Variants in OR51B6 observed in about 807,000 individuals in gnomAD.
OR51B6 encodes the protein olfactory receptor 51B6.
For synonymous variants in OR51B6, 154 were observed against 137.3 expected (o/e 1.12, Z -0.85); for missense variants, 502 against 382.2 (o/e 1.31, Z -2.61).
Position 5,352,196 on chromosome 11 carries a change from G to C in OR51B6, c.689G>C (p.Gly230Ala). 6.2e-7 allele frequency: 1 copy of C among 1,614,168 alleles called. No homozygotes were observed. Among genetic ancestry groups the C allele is most frequent in the Non-Finnish European group, 8.5e-7 (1 of 1,180,004 alleles). Residue 230 changes from glycine to alanine, a missense_variant, in exon 1 of 1, where the codon GGA becomes GCA. Transcript: ENST00000380219. ...LKTVMGIGSGGERAKALNTCV... is the reference protein window; with the variant it reads ...LKTVMGIGSGAERAKALNTCV... ...ACTGTCATGGGCATTGGTTCTGGAG[G>C]AGAAAGGGCCAAGGCCCTCAACACA...
Position 5,351,959 on chromosome 11 carries a change from G to A in OR51B6, c.452G>A (p.Gly151Asp). The change falls in exon 1 of 1, where the codon GGT (glycine) becomes GAT (aspartate). Residue 151 changes from glycine to aspartate, a missense_variant. Physicochemically the swap from Gly to Asp is moderately conservative, Grantham distance 94 (BLOSUM62 -1). Coordinates refer to ENST00000380219, the MANE Select transcript of OR51B6 (RefSeq NM_001004750.1). Reference protein sequence around the residue: ...KIGVRVLTRAGLSIMPIVVRL... With the variant: ...KIGVRVLTRADLSIMPIVVRL... ...GGTGTGCGGGTATTGACAAGGGCTGGTCTGTCCATTATGCCAATAGTTGTT... is the reference window on the plus strand; with the variant it reads ...GGTGTGCGGGTATTGACAAGGGCTGATCTGTCCATTATGCCAATAGTTGTT... 2.5e-6 allele frequency: 4 copies of A among 1,613,054 alleles called. No homozygotes were observed. Among genetic ancestry groups the A allele is most frequent in the East Asian group, 2.2e-5 (1 of 44,872 alleles).
At position 5,352,141 on chromosome 11, in the gene OR51B6, ATCT is replaced by A; in HGVS notation, c.636_638del (p.Phe214del). The A allele has an allele frequency of 6.2e-7, 1 of 1,614,124 alleles. No homozygotes were observed. The highest frequency in any genetic ancestry group is 8.5e-7 in the Non-Finnish European group (1 of 1,180,014). On this transcript the variant is annotated inframe_deletion, in exon 1 of 1. Transcript: ENST00000380219. ...AATGGTCTTGTTGGACTTTCTCATC[ATCT>A]TTTTCTCCTACATTTTGATTCTCAA...
Position 5,352,285 on chromosome 11 carries a change from C to T in OR51B6, c.778C>T (p.His260Tyr). 1.2e-6 allele frequency: 2 copies of T among 1,614,222 alleles called. No homozygotes were observed. Among genetic ancestry groups the T allele is most frequent in the Non-Finnish European group, 8.5e-7 (1 of 1,180,026 alleles). The change falls in exon 1 of 1, where the codon CAT becomes TAT. Residue 260 changes from histidine to tyrosine, a missense_variant. Physicochemically the swap from His to Tyr is moderately conservative, Grantham distance 83. Transcript: ENST00000380219. ...YVTVVCLTFI[H>Y]RFGKHVPHVV... Reference sequence around the variant, plus strand: ...CACTGTAGTTTGTCTGACATTTATTCATAGGTTTGGAAAGCATGTTCCTCA... The same window carrying T: ...CACTGTAGTTTGTCTGACATTTATTTATAGGTTTGGAAAGCATGTTCCTCA...
rs1456886518 is a variant in OR51B6, at chr11:5,352,174, G to A, written c.667G>A (p.Val223Ile). The change falls in exon 1 of 1, where the codon GTC becomes ATC. Residue 223 changes from valine to isoleucine, a missense_variant. Coordinates refer to ENST00000380219, the MANE Select transcript of OR51B6 (RefSeq NM_001004750.1). ...FFSYILILKT[V>I]MGIGSGGERA... ...CTCCTACATTTTGATTCTCAAGACT[G>A]TCATGGGCATTGGTTCTGGAGGAGA... is the stretch of plus-strand genomic sequence containing the variant. The A allele has an allele frequency of 5.0e-6, 8 of 1,614,170 alleles. No homozygotes were observed. The highest frequency in any genetic ancestry group is 3.3e-5 in the South Asian group (3 of 91,084).
At position 5,351,788 on chromosome 11, in the gene OR51B6, C is replaced by G. The variant is rs759686202; in HGVS notation, c.281C>G (p.Ala94Gly). Residue 94 changes from alanine (A) to glycine (G), a missense_variant, in exon 1 of 1, where the codon GCC (alanine) becomes GGC (glycine). By Grantham distance (60) the Ala-to-Gly change is moderately conservative (BLOSUM62 0). Coordinates refer to ENST00000380219, the MANE Select transcript of OR51B6 (RefSeq NM_001004750.1). Reference protein sequence around the residue: ...WLDHREIGHGACFSQAYFIHT... With the variant: ...WLDHREIGHGGCFSQAYFIHT... ...GATCACAGGGAGATTGGCCATGGAG[C>G]CTGCTTCTCTCAGGCCTATTTTATC... 3.7e-6 allele frequency: 6 copies of G among 1,613,954 alleles called. No individual in the cohort carries two copies. The highest frequency in any genetic ancestry group is 5.1e-6 in the Non-Finnish European group (6 of 1,179,998).
chr11:5,352,379 G>A lies in OR51B6; in HGVS notation c.872G>A (p.Ser291Asn). The A allele has an allele frequency of 6.2e-7, 1 of 1,613,468 alleles. No homozygotes were observed. The highest frequency in any genetic ancestry group is 1.1e-5 in the South Asian group (1 of 91,060). Residue 291 changes from serine to asparagine, a missense_variant, in exon 1 of 1, where the codon AGC becomes AAC. Coordinates refer to ENST00000380219, the MANE Select transcript of OR51B6 (RefSeq NM_001004750.1). ...FPPFMNPFIY[S>N]IKTKQIQSGI... ...CCTTTTATGAACCCATTTATCTATA[G>A]CATTAAAACTAAGCAGATTCAGAGT...
chr11:5,352,218 C>A lies in OR51B6; in HGVS notation c.711C>A (p.Asn237Lys), dbSNP rs767448982. ...GSGGERAKALNTCVSHICCIL... is the reference protein window; with the variant it reads ...GSGGERAKALKTCVSHICCIL... ...GAGGAGAAAGGGCCAAGGCCCTCAA[C>A]ACATGTGTCTCTCATATCTGCTGCA... Residue 237 changes from asparagine to lysine, a missense_variant, in exon 1 of 1, where the codon AAC becomes AAA. Coordinates refer to ENST00000380219, the MANE Select transcript of OR51B6 (RefSeq NM_001004750.1). 45 of 1,613,910 alleles carry A rather than the reference C, an allele frequency of 2.8e-5. No individual in the cohort carries two copies. The highest frequency in any genetic ancestry group is 3.6e-5 in the Non-Finnish European group (43 of 1,179,850).
In OR51B6 at chr11:5,352,184, T is replaced by G; in HGVS notation, c.677T>G (p.Ile226Ser). The G allele has an allele frequency of 6.2e-7, 1 of 1,614,172 alleles. No individual in the cohort carries two copies. The highest frequency in any genetic ancestry group is 2.2e-5 in the East Asian group (1 of 44,882). ...TTGATTCTCAAGACTGTCATGGGCA[T>G]TGGTTCTGGAGGAGAAAGGGCCAAG... ...YILILKTVMG[I>S]GSGGERAKAL... Residue 226 changes from isoleucine (I) to serine (S), a missense_variant, in exon 1 of 1, where the codon ATT becomes AGT. Coordinates refer to ENST00000380219, the MANE Select transcript of OR51B6 (RefSeq NM_001004750.1).
At position 5,351,775 on chromosome 11, in the gene OR51B6, A is replaced by G; in HGVS notation, c.268A>G (p.Ile90Val). ...LGVLWLDHRE[I>V]GHGACFSQAY... ...TGTTCTGTGGTTAGATCACAGGGAGATTGGCCATGGAGCCTGCTTCTCTCA... is the reference window on the plus strand; with the variant it reads ...TGTTCTGTGGTTAGATCACAGGGAGGTTGGCCATGGAGCCTGCTTCTCTCA... Residue 90 changes from isoleucine (I) to valine (V), a missense_variant, in exon 1 of 1, where the codon ATT (isoleucine) becomes GTT (valine). Transcript: ENST00000380219. The G allele has an allele frequency of 6.2e-7, 1 of 1,614,000 alleles. No homozygotes were observed. Among genetic ancestry groups the G allele is most frequent in the Non-Finnish European group, 8.5e-7 (1 of 1,179,972 alleles).
Position 5,351,594 on chromosome 11 carries a change from A to T in OR51B6, c.87A>T (p.Leu29Phe), listed in dbSNP as rs371384887. 6.2e-6 allele frequency: 10 copies of T among 1,613,944 alleles called. No homozygotes were observed. Among genetic ancestry groups the T allele is most frequent in the Non-Finnish European group, 8.5e-6 (10 of 1,180,000 alleles). The change falls in exon 1 of 1, where the codon TTA becomes TTT. Residue 29 changes from leucine to phenylalanine, a missense_variant. Physicochemically the swap from Leu to Phe is conservative, Grantham distance 22. Coordinates refer to ENST00000380219, the MANE Select transcript of OR51B6 (RefSeq NM_001004750.1). Reference sequence around the variant, plus strand: ...CACATCACTGGATATTCATCCCATTATTGGCAGCCTACATCTCCATACTTC... The same window carrying T: ...CACATCACTGGATATTCATCCCATTTTTGGCAGCCTACATCTCCATACTTC... ...EKAHHWIFIP[L>F]LAAYISILLG...
Position 5,351,595 on chromosome 11 carries a change from T to A in OR51B6, c.88T>A (p.Leu30Met), listed in dbSNP as rs760483480. ...ACATCACTGGATATTCATCCCATTA[T>A]TGGCAGCCTACATCTCCATACTTCT... ...KAHHWIFIPL[L>M]AAYISILLGN... The change falls in exon 1 of 1, where the codon TTG becomes ATG. Residue 30 changes from leucine to methionine, a missense_variant. Leu to Met is a conservative substitution (Grantham distance 15). Transcript: ENST00000380219. 1 of 1,614,162 alleles carries A rather than the reference T, an allele frequency of 6.2e-7. No homozygotes were observed. The highest frequency in any genetic ancestry group is 8.5e-7 in the Non-Finnish European group (1 of 1,180,002).
chr11:5,352,158 TTTGA>T lies in OR51B6; in HGVS notation c.654_657del (p.Leu218PhefsTer35), dbSNP rs1433808519. 6.2e-7 allele frequency: 1 copy of T among 1,614,186 alleles called. No homozygotes were observed. The highest frequency in any genetic ancestry group is 1.1e-5 in the South Asian group (1 of 91,078). ...TTCTCATCATCTTTTTCTCCTACAT[TTTGA>T]TTCTCAAGACTGTCATGGGCATTGG... On this transcript the variant is annotated frameshift_variant, in exon 1 of 1. Transcript: ENST00000380219. LOFTEE classifies it low-confidence loss of function (END_TRUNC).
At position 5,352,277 on chromosome 11, in the gene OR51B6, C is replaced by T; in HGVS notation, c.770C>T (p.Thr257Ile). Reference protein sequence around the residue: ...LVFYVTVVCLTFIHRFGKHVP... With the variant: ...LVFYVTVVCLIFIHRFGKHVP... The stretch of plus-strand genomic sequence containing the variant: ...TTCTATGTCACTGTAGTTTGTCTGA[C>T]ATTTATTCATAGGTTTGGAAAGCAT... The change falls in exon 1 of 1, where the codon ACA becomes ATA. Residue 257 changes from threonine (T) to isoleucine (I), a missense_variant. Thr to Ile is a moderately conservative substitution (Grantham distance 89). Coordinates refer to ENST00000380219, the MANE Select transcript of OR51B6 (RefSeq NM_001004750.1). 1.9e-6 allele frequency: 3 copies of T among 1,614,206 alleles called. No homozygotes were observed. Among genetic ancestry groups the T allele is most frequent in the Non-Finnish European group, 2.5e-6 (3 of 1,180,022 alleles).
Position 5,351,863 on chromosome 11 carries a change from A to T in OR51B6, c.356A>T (p.Asp119Val). Residue 119 changes from aspartate (D) to valine (V), a missense_variant, in exon 1 of 1, where the codon GAC becomes GTC. By Grantham distance (152) the Asp-to-Val change is radical. Coordinates refer to ENST00000380219, the MANE Select transcript of OR51B6 (RefSeq NM_001004750.1). ...GGTGTCTTGCTTGCCATGGCTTATG[A>T]CTGTTTCATTACCATCCGCAGCCCC... is the stretch of plus-strand genomic sequence containing the variant. ...ESGVLLAMAY[D>V]CFITIRSPLR... The T allele has an allele frequency of 6.2e-7, 1 of 1,613,582 alleles. No homozygotes were observed. Among genetic ancestry groups the T allele is most frequent in the African/African-American group, 1.3e-5 (1 of 74,976 alleles).
At position 5,351,545 on chromosome 11, in the gene OR51B6, C is replaced by T. The variant is rs1374953820; in HGVS notation, c.38C>T (p.Thr13Ile). Residue 13 changes from threonine to isoleucine, a missense_variant, in exon 1 of 1, where the codon ACT becomes ATT. Physicochemically the swap from Thr to Ile is moderately conservative, Grantham distance 89. Transcript: ENST00000380219. The part of the protein sequence containing the change: ...LNKSASTFQL[T>I]GFPGMEKAHH... ...AAGTCTGCTTCCACCTTCCAGCTTACTGGCTTCCCAGGCATGGAGAAGGCA... is the reference window on the plus strand; with the variant it reads ...AAGTCTGCTTCCACCTTCCAGCTTATTGGCTTCCCAGGCATGGAGAAGGCA... 4 of 1,613,652 alleles carry T rather than the reference C, an allele frequency of 2.5e-6. No homozygotes were observed. The highest frequency in any genetic ancestry group is 3.3e-5 in the Admixed American group (2 of 59,972).
At position 5,351,844 on chromosome 11, in the gene OR51B6, T is replaced by A; in HGVS notation, c.337T>A (p.Leu113Met). The A allele has an allele frequency of 6.2e-7, 1 of 1,613,978 alleles. No individual in the cohort carries two copies. Among genetic ancestry groups the A allele is most frequent in the Non-Finnish European group, 8.5e-7 (1 of 1,179,878 alleles). ...HTLSVMESGV[L>M]LAMAYDCFIT... Reference sequence around the variant, plus strand: ...TCTTTCTGTCATGGAGTCAGGTGTCTTGCTTGCCATGGCTTATGACTGTTT... The same window carrying A: ...TCTTTCTGTCATGGAGTCAGGTGTCATGCTTGCCATGGCTTATGACTGTTT... The change falls in exon 1 of 1, where the codon TTG (leucine) becomes ATG (methionine). Residue 113 changes from leucine (L) to methionine (M), a missense_variant. By Grantham distance (15) the Leu-to-Met change is conservative (BLOSUM62 2). Coordinates refer to ENST00000380219, the MANE Select transcript of OR51B6 (RefSeq NM_001004750.1).
chr11:5,352,050 T>TGTC lies in OR51B6; in HGVS notation c.544_546dup (p.Val182dup). 1 of 1,614,062 alleles carries TGTC rather than the reference T, an allele frequency of 6.2e-7. No homozygotes were observed. The highest frequency in any genetic ancestry group is 2.2e-5 in the East Asian group (1 of 44,884). Reference sequence around the variant, plus strand: ...CCCATGCTTTCTGTCTACACCAAGATGTCATCAAGCTAGCCTGTGCTGACA... The same window carrying TGTC: ...CCCATGCTTTCTGTCTACACCAAGATGTCGTCATCAAGCTAGCCTGTGCTGACA... On this transcript the variant is annotated inframe_insertion, in exon 1 of 1. Transcript: ENST00000380219.
rs1474747158 is a variant in OR51B6 at position 5,352,023 on chromosome 11, C to G, written c.516C>G (p.Leu172=). 2.5e-6 allele frequency: 4 copies of G among 1,613,924 alleles called. No individual in the cohort carries two copies. Among genetic ancestry groups the G allele is most frequent in the Admixed American group, 1.7e-5 (1 of 60,014 alleles). The part of the protein sequence containing the change: ...HWFPYCRSHV[L]SHAFCLHQDV... ...TTCCCTACTGTCGATCCCATGTACTCTCCCATGCTTTCTGTCTACACCAAG... is the reference window on the plus strand; with the variant it reads ...TTCCCTACTGTCGATCCCATGTACTGTCCCATGCTTTCTGTCTACACCAAG... The change falls in exon 1 of 1, where the codon CTC becomes CTG. Residue 172 remains leucine, a synonymous_variant. Transcript: ENST00000380219.
In OR51B6 at chr11:5,352,304, T is replaced by G; in HGVS notation, c.797T>G (p.Val266Gly). The G allele has an allele frequency of 5.6e-6, 9 of 1,614,194 alleles. No individual in the cohort carries two copies. The highest frequency in any genetic ancestry group is 7.6e-6 in the Non-Finnish European group (9 of 1,179,982). The change falls in exon 1 of 1, where the codon GTT becomes GGT. Residue 266 changes from valine (V) to glycine (G), a missense_variant. Physicochemically the swap from Val to Gly is moderately radical, Grantham distance 109. Coordinates refer to ENST00000380219, the MANE Select transcript of OR51B6 (RefSeq NM_001004750.1). Reference sequence around the variant, plus strand: ...TTTATTCATAGGTTTGGAAAGCATGTTCCTCATGTCGTTCACATCACAATG... The same window carrying G: ...TTTATTCATAGGTTTGGAAAGCATGGTCCTCATGTCGTTCACATCACAATG... ...LTFIHRFGKH[V>G]PHVVHITMSY...
Sources: gnomAD v4.1 joint callset for allele counts on GRCh38, gnomAD v4.1.1 for gene constraint, MANE v1.5 for transcripts, NCBI Gene and HGNC (gene_info 2026-07-23, HGNC 2026-07-21) for gene names.